ARL15: variants seen among roughly 807,000 people sequenced by gnomAD.
ARL15 encodes the protein ADP-ribosylation factor-like protein 15.
A neutral mutation model predicts 25.2 loss-of-function variants in ARL15; 19 were observed. The observed-to-expected ratio is 0.75, with a 90% confidence interval of 0.53 to 1.10. The LOEUF is 1.10. Among genes scored for constraint, ARL15 ranks in the 50% least tolerant of loss-of-function variants. The pLI, the probability that ARL15 is intolerant of heterozygous loss-of-function variation, is 0.00. For synonymous variants in ARL15, 94 were observed against 86.8 expected, an observed-to-expected ratio of 1.08 and a Z score of -0.46; for missense variants, 220 against 246.0, an observed-to-expected ratio of 0.89 and a Z score of 0.71.
chr5:54,267,087 G>A (rs1223077667), intron 1 of ARL15, among the ~76,000 whole-genome samples: 8 of 152,066 alleles, frequency 5.3e-5, no homozygotes, highest in Non-Finnish European at 7.4e-5. Context: ...CTGTGTTTTT[G>A]TTTTTGTTTG....
At chr5:54,115,187 T>G (rs1752861905) in intron 3 of ARL15, among the ~76,000 whole-genome samples, 1 of 152,150 alleles carries the variant, frequency 6.6e-6, no homozygotes, top group Admixed American at 6.5e-5. Context: ...CAGCTTATAT[T>G]TTCTGGGAGA....
At chr5:54,189,561 C>T (rs1483480755) in intron 1 of ARL15, among the ~76,000 whole-genome samples, 1 of 152,112 alleles carries the variant, frequency 6.6e-6, no homozygotes, top group African/African-American at 2.4e-5. Context: ...GTCTTTTCAA[C>T]AGATGGTGCT....
intron 4 of ARL15, among the ~76,000 whole-genome samples, chr5:53,893,552 G>C (rs1416129128): frequency 6.6e-6 from 1 of 152,134 alleles, no homozygotes; most frequent in Non-Finnish European, 1.5e-5. Flanking sequence ...AGCTTGCAGT[G>C]AGCCGAGATC....
At chr5:54,295,350 T>C (rs1294765349) in intron 1 of ARL15, among the ~76,000 whole-genome samples, 4 of 152,092 alleles carry the variant, frequency 2.6e-5, no homozygotes, top group African/African-American at 9.7e-5. Context: ...AATGACATAA[T>C]GAAACTAAAA....
chr5:54,108,570 T>G (rs1199558873), intron 4 of ARL15, among the ~76,000 whole-genome samples: 1 of 152,146 alleles, frequency 6.6e-6, no homozygotes, highest in Non-Finnish European at 1.5e-5. Flanking sequence ...TAAACACTGC[T>G]TTGCATTTTT....
At chr5:53,970,585 A>G (rs950903945) in intron 4 of ARL15, among the ~76,000 whole-genome samples, 13 of 152,186 alleles carry the variant, frequency 8.5e-5, no homozygotes, top group African/African-American at 3.1e-4. Flanking sequence ...TTAATGACAC[A>G]GTTGCTTGGT....
chr5:54,130,686 A>G (rs1341330849), intron 3 of ARL15, among the ~76,000 whole-genome samples: 3 of 152,228 alleles, frequency 2.0e-5, no homozygotes, highest in African/African-American at 7.2e-5. Flanking sequence ...AAAAACAAGT[A>G]GGGAAAAACA....
chr5:54,145,157 ACAACTTC>A (rs1023904996), intron 3 of ARL15, among the ~76,000 whole-genome samples: 1 of 152,192 alleles, frequency 6.6e-6, no homozygotes, highest in African/African-American at 2.4e-5. Flanking sequence ...ATTTAAAAAA[ACAACTTC>A]CAATTTTCAA....
At chr5:53,998,014 T>G (rs1482381062) in intron 4 of ARL15, among the ~76,000 whole-genome samples, 2 of 151,894 alleles carry the variant, frequency 1.3e-5, no homozygotes, top group Non-Finnish European at 2.9e-5. Flanking sequence ...GATTTACTGA[T>G]GGATGTGCTG....
intron 2 of ARL15, among the ~76,000 whole-genome samples, chr5:54,157,646 C>T (rs1754279613): frequency 6.6e-6 from 1 of 152,078 alleles, no homozygotes; most frequent in African/African-American, 2.4e-5. Context: ...CTCCTGACCT[C>T]GTGATCTACC....
intron 4 of ARL15, among the ~76,000 whole-genome samples, chr5:54,025,195 G>A (rs1165560853): frequency 6.7e-6 from 1 of 149,596 alleles, no homozygotes; most frequent in African/African-American, 2.5e-5. Context: ...TGAGGATAGC[G>A]ACCAAAAGCT....
At chr5:54,063,768 A>T (rs1284722565) in intron 4 of ARL15, among the ~76,000 whole-genome samples, 1 of 152,212 alleles carries the variant, frequency 6.6e-6, no homozygotes, top group Non-Finnish European at 1.5e-5. Context: ...GGACTAACAC[A>T]AATTACCACT....
chr5:54,090,129 G>A (rs1466053721), intron 4 of ARL15, among the ~76,000 whole-genome samples: 1 of 152,050 alleles, frequency 6.6e-6, no homozygotes, highest in Non-Finnish European at 1.5e-5. Flanking sequence ...AACATTCACA[G>A]CATCAGTGTT....
chr5:53,975,744 A>T (rs1395954858), intron 4 of ARL15, among the ~76,000 whole-genome samples: 1 of 152,238 alleles, frequency 6.6e-6, no homozygotes, highest in African/African-American at 2.4e-5. Context: ...CAGTTGAGAC[A>T]CAACCATCCA....
chr5:53,989,421 G>T (rs1252417982), intron 4 of ARL15, among the ~76,000 whole-genome samples: 1 of 152,010 alleles, frequency 6.6e-6, no homozygotes, highest in Non-Finnish European at 1.5e-5. Context: ...AACATTCCTC[G>T]CTTTACAAAA....
chr5:54,090,706 G>A lies in ARL15; in HGVS notation c.462+22496C>T, dbSNP rs182852646. Among the ~76,000 whole-genome samples the A allele has an allele frequency of 1.4e-3, 209 of 152,082 alleles. 2 individuals are homozygous for A. The highest frequency in any genetic ancestry group is 3.2e-3 in the Admixed American group (49 of 15,254). ...AAAGAAGGAAAGGAGGAGGGAGAGAGGAGGATAGGAAAAGGAAAGATAAAA... is the reference window on the plus strand; with the variant it reads ...AAAGAAGGAAAGGAGGAGGGAGAGAAGAGGATAGGAAAAGGAAAGATAAAA... On this transcript the variant is annotated intron_variant, in intron 4 of 4. Coordinates refer to ENST00000504924, the MANE Select transcript of ARL15 (RefSeq NM_019087.3).
At chr5:54,042,665 TA>T (rs764762594) in intron 4 of ARL15, among the ~76,000 whole-genome samples, 18 of 152,340 alleles carry the variant, frequency 1.2e-4, no homozygotes, top group East Asian at 3.9e-4. Context: ...TTAACTTGAT[TA>T]AAAATATTTG....
At chr5:54,125,370 TAG>T (rs1284736954) in intron 3 of ARL15, among the ~76,000 whole-genome samples, 9 of 152,244 alleles carry the variant, frequency 5.9e-5, no homozygotes, top group Admixed American at 1.3e-4. Context: ...ACTGCCACAC[TAG>T]AGAGTCACAC....
intron 4 of ARL15, among the ~76,000 whole-genome samples, chr5:54,009,016 A>G (rs1217627797): frequency 1.3e-5 from 2 of 152,178 alleles, no homozygotes; most frequent in African/African-American, 4.8e-5. Flanking sequence ...TGAGCTGATC[A>G]TTTTCATTAG....
Sources: allele counts gnomAD v4.1 joint callset (sites outside exome capture counted in the v4.1 genomes callset), GRCh38; gene constraint gnomAD v4.1.1; transcripts MANE v1.5; gene names NCBI Gene and HGNC (gene_info 2026-07-23, HGNC 2026-07-21).